Variants in FAM200B observed in about 807,000 individuals in gnomAD.
FAM200B encodes the protein protein FAM200B.
Under a neutral mutation model 33.1 loss-of-function variants are expected in FAM200B, and 32 were observed. The observed-to-expected ratio is 0.97, with a 90% CI of 0.73 to 1.30. FAM200B has a LOEUF of 1.30. Among genes scored for constraint, FAM200B ranks in the 50% most tolerant of loss-of-function variants. FAM200B has a pLI of 0.00. For missense variants in FAM200B, 741 were observed against 754.0 expected, an observed-to-expected ratio of 0.98 and a Z score of 0.20; for synonymous variants, 240 against 264.8, an observed-to-expected ratio of 0.91 and a Z score of 0.91.
chr4:15,644,811 TC>T, the FAM200B span: 1 of 717,482 alleles, frequency 1.4e-6, no homozygotes. Context: ...ACAGCATACT[TC>T]CCTTACACTT....
In FAM200B at chr4:15,688,128, C is replaced by A. The variant is rs374523869; in HGVS notation, c.1151C>A (p.Thr384Asn). The change falls in exon 2 of 2, where the codon ACC becomes AAC. Residue 384 changes from threonine (T) to asparagine (N), a missense_variant. Physicochemically the swap from Thr to Asn is moderately conservative, Grantham distance 65. Coordinates refer to ENST00000422728, the MANE Select transcript of FAM200B (RefSeq NM_001145191.2). ...GTNHTHLLYH[T>N]KIRWLSQGKI... Reference sequence around the variant, plus strand: ...AATCATACCCACTTACTATATCATACCAAAATTCGTTGGTTGTCTCAAGGG... The same window carrying A: ...AATCATACCCACTTACTATATCATAACAAAATTCGTTGGTTGTCTCAAGGG... The A allele has an allele frequency of 2.3e-5, 35 of 1,551,124 alleles. No individual in the cohort carries two copies. In the African/African-American group the frequency reaches 3.1e-4, roughly 14 times the overall value.
chr4:15,650,690 C>CA, the FAM200B span, among the ~76,000 whole-genome samples: 3 of 102,950 alleles, frequency 2.9e-5, no homozygotes, highest in South Asian at 9.6e-4. Context: ...TTTTTTGAGA[C>CA]AGAGTCTCAC....
the FAM200B span, among the ~76,000 whole-genome samples, chr4:15,664,323 C>A: frequency 3.3e-5 from 5 of 152,172 alleles, no homozygotes; most frequent in Non-Finnish European, 5.9e-5. Context: ...TCATTTCAAT[C>A]CTTGCACCAA....
chr4:15,666,525 G>C, the FAM200B span, among the ~76,000 whole-genome samples: 1 of 151,864 alleles, frequency 6.6e-6, no homozygotes, highest in African/African-American at 2.4e-5. Context: ...ATGAGTTGTT[G>C]ATCAAAGCAT....
At chr4:15,646,070 A>G in the FAM200B span, among the ~76,000 whole-genome samples, 9 of 152,206 alleles carry the variant, frequency 5.9e-5, no homozygotes, top group Non-Finnish European at 8.8e-5. Context: ...CTTTTCTATA[A>G]AAGGACAGGT....
chr4:15,650,075 C>T, the FAM200B span, among the ~76,000 whole-genome samples: 7 of 152,138 alleles, frequency 4.6e-5, no homozygotes, highest in Non-Finnish European at 7.4e-5. Flanking sequence ...CACTACCCAT[C>T]CCCCAGAGAT....
At position 15,690,051 on chromosome 4, in the gene FAM200B, A is replaced by T. The variant is rs972847275; in HGVS notation, c.*1100A>T. 6.0e-6 allele frequency: 1 copy of T among 167,090 alleles called. No homozygotes were observed. Among genetic ancestry groups the T allele is most frequent in the Non-Finnish European group, 1.5e-5 (1 of 68,110 alleles). 10.4% of individuals were successfully genotyped at this position (167,090 alleles called of 1,614,324 possible). The stretch of plus-strand genomic sequence containing the variant: ...AATAAATGAATCAATAATACCTAAC[A>T]TCTCTAATTTGCAGTCATTCCCAAG... On this transcript the variant is annotated 3_prime_UTR_variant, in exon 2 of 2. Coordinates refer to ENST00000422728, the MANE Select transcript of FAM200B (RefSeq NM_001145191.2).
At chr4:15,673,936 C>T in the FAM200B span, among the ~76,000 whole-genome samples, 2 of 152,224 alleles carry the variant, frequency 1.3e-5, no homozygotes, top group African/African-American at 4.8e-5. Flanking sequence ...TCAAGGTTCA[C>T]TGTCCTTCAT....
chr4:15,663,276 A>G, the FAM200B span, among the ~76,000 whole-genome samples: 1 of 152,218 alleles, frequency 6.6e-6, no homozygotes, highest in South Asian at 2.1e-4. Context: ...ACTCCACTGC[A>G]TGGGACATAG....
chr4:15,648,936 A>G, the FAM200B span, among the ~76,000 whole-genome samples: 23 of 152,156 alleles, frequency 1.5e-4, no homozygotes, highest in Non-Finnish European at 2.2e-4. Context: ...TCATTATACA[A>G]TGTACATGTA....
intron 1 of FAM200B, among the ~76,000 whole-genome samples, chr4:15,684,038 T>G (rs1196745309): frequency 6.6e-6 from 1 of 152,240 alleles, no homozygotes; most frequent in Non-Finnish European, 1.5e-5. Context: ...TTTGATTACC[T>G]TAATTGCAAT....
At chr4:15,649,976 C>T in the FAM200B span, among the ~76,000 whole-genome samples, 3 of 152,138 alleles carry the variant, frequency 2.0e-5, no homozygotes, top group Admixed American at 6.5e-5. Context: ...ATTAATAAAG[C>T]TATCTTTTCA....
At chr4:15,682,508 ACTCTC>A (rs1179651369) in intron 1 of FAM200B, among the ~76,000 whole-genome samples, 1 of 151,974 alleles carries the variant, frequency 6.6e-6, no homozygotes, top group Non-Finnish European at 1.5e-5. Flanking sequence ...TAAGGAAACC[ACTCTC>A]CTAACCACCT....
At chr4:15,680,214 C>G (rs554523200), upstream of FAM200B, among the ~76,000 whole-genome samples, 15 of 151,766 alleles carry the variant, frequency 9.9e-5, no homozygotes, top group African/African-American at 3.1e-4. Context: ...GCATGAAGAC[C>G]GGAAGGATAA....
chr4:15,645,630 T>C, the FAM200B span, among the ~76,000 whole-genome samples: 6 of 152,052 alleles, frequency 3.9e-5, no homozygotes, highest in Non-Finnish European at 5.9e-5. Flanking sequence ...GGTTTCACCA[T>C]CTTGGCCAGG....
the FAM200B span, among the ~76,000 whole-genome samples, chr4:15,674,892 G>A: frequency 7.2e-5 from 11 of 152,048 alleles, no homozygotes; most frequent in Non-Finnish European, 1.2e-4. Flanking sequence ...CTTGTGATCC[G>A]TCTGCCTCGG....
At chr4:15,649,354 C>A in the FAM200B span, among the ~76,000 whole-genome samples, 9 of 152,000 alleles carry the variant, frequency 5.9e-5, no homozygotes, top group Non-Finnish European at 4.4e-5. Flanking sequence ...CCGAGGCAGG[C>A]GGATCACAAG....
At chr4:15,658,296 T>C in the FAM200B span, among the ~76,000 whole-genome samples, 5 of 152,386 alleles carry the variant, frequency 3.3e-5, no homozygotes, top group African/African-American at 1.2e-4. Context: ...TGATCCTTAC[T>C]GTCCATCAAA....
At position 15,687,855 on chromosome 4, in the gene FAM200B, G is replaced by A; in HGVS notation, c.878G>A (p.Gly293Glu). 1 of 1,551,232 alleles carries A rather than the reference G, an allele frequency of 6.4e-7. No homozygotes were observed. Among genetic ancestry groups the A allele is most frequent in the Admixed American group, 2.0e-5 (1 of 50,988 alleles). ...AAATTAAACTGGAAAAACTGTAAAG[G>A]AATTACAAGTGATGGCACAGCAACC... ...QYKLNWKNCK[G>E]ITSDGTATMT... The change falls in exon 2 of 2, where the codon GGA becomes GAA. Residue 293 changes from glycine to glutamate, a missense_variant. By Grantham distance (98) the Gly-to-Glu change is moderately conservative. Transcript: ENST00000422728.
Sources: gnomAD v4.1 joint callset for allele counts (sites outside exome capture counted in the v4.1 genomes callset) on GRCh38, gnomAD v4.1.1 for gene constraint, MANE v1.5 for transcripts, NCBI Gene and HGNC (gene_info 2026-07-23, HGNC 2026-07-21) for gene names.